WDR76: variants seen among roughly 807,000 people sequenced by gnomAD.
The protein encoded by WDR76 is WD repeat domain 76.
Under a neutral mutation model 70.2 loss-of-function variants are expected in WDR76, and 52 were observed. The observed-to-expected ratio is 0.74, with a 90% CI of 0.59 to 0.93. The LOEUF (loss-of-function observed/expected upper bound fraction) is 0.93, where lower values mean the gene tolerates loss of function less well. Ranked by LOEUF, WDR76 falls within the 40% of genes least tolerant of loss-of-function variation. The pLI is 0.00. For synonymous variants in WDR76, 292 were observed against 271.1 expected (o/e 1.08, Z -0.76); for missense variants, 756 against 760.2 (o/e 0.99, Z 0.07).
chr15:43,837,042 C>CAA (rs541159343), intron 4 of WDR76, among the ~76,000 whole-genome samples: 34 of 58,212 alleles, frequency 5.8e-4, no homozygotes, highest in African/African-American at 1.3e-3. Flanking sequence ...CTCCATCTCA[C>CAA]AAAAAAAAAA....
At chr15:43,848,515 A>G (rs2087816272) in intron 8 of WDR76, among the ~76,000 whole-genome samples, 1 of 152,268 alleles carries the variant, frequency 6.6e-6, no homozygotes, top group South Asian at 2.1e-4. Context: ...GCTGGGGTGA[A>G]ATCAGGAAAA....
intron 6 of WDR76, 43 bp from the exon 7 acceptor site, chr15:43,842,585 T>C (rs752262726): frequency 1.3e-6 from 2 of 1,596,292 alleles, no homozygotes; most frequent in East Asian, 2.2e-5. Flanking sequence ...TGTAAAAATA[T>C]ATACATACTA....
chr15:43,857,476 A>G, intron 10 of WDR76: 1 of 985,390 alleles, frequency 1.0e-6, no homozygotes, highest in Non-Finnish European at 1.2e-6. Flanking sequence ...TGTGACCTAT[A>G]ACTTGTTGGC....
At position 43,866,622 on chromosome 15, in the gene WDR76, C is replaced by CTTTT. The variant is rs5812253; in HGVS notation, c.*248_*251dup. 6.4e-5 allele frequency: 8 copies of CTTTT among 124,680 alleles called. No homozygotes were observed. The highest frequency in any genetic ancestry group is 2.0e-4 in the South Asian group (2 of 9,984). The allele number at this position is 124,680 out of a possible 1,614,324, so 7.7% of individuals were successfully genotyped here. Reference sequence around the variant, plus strand: ...AGGGGAGGCTGAGGTGCCGTCAGGACTTTTTTTTTTTTTTTTTTTTTGAGA... The same window carrying CTTTT: ...AGGGGAGGCTGAGGTGCCGTCAGGACTTTTTTTTTTTTTTTTTTTTTTTTTGAGA... On this transcript the variant is annotated 3_prime_UTR_variant, in exon 13 of 13. Transcript: ENST00000263795.
At chr15:43,855,185 C>T (rs887230146) in intron 9 of WDR76, among the ~76,000 whole-genome samples, 2 of 152,130 alleles carry the variant, frequency 1.3e-5, no homozygotes, top group Non-Finnish European at 2.9e-5. Context: ...TGCATATATT[C>T]GTAATTTGTT....
At position 43,842,768 on chromosome 15, in the gene WDR76, A is replaced by G. The variant is rs16976783; in HGVS notation, c.878+97A>G. 1,010 of 1,133,974 alleles carry G rather than the reference A, an allele frequency of 8.9e-4. 9 individuals carry two copies. In the African/African-American group the frequency reaches 0.014, roughly 16 times the overall value. 70.2% of individuals were successfully genotyped at this position (1,133,974 alleles called of 1,614,324 possible). On this transcript the variant is annotated intron_variant, in intron 7 of 12. Transcript: ENST00000263795. ...TAGGGAATTTTGAAAGTGAGATGAA[A>G]TGTTTCCACCCTAACAACTGTTGTT...
At chr15:43,841,146 G>C (rs1227844526) in intron 5 of WDR76, among the ~76,000 whole-genome samples, 1 of 150,372 alleles carries the variant, frequency 6.7e-6, no homozygotes, top group African/African-American at 2.4e-5. Flanking sequence ...TGAGCCTCCA[G>C]AGTAGCTGGG....
At chr15:43,846,849 C>A (rs929011717) in intron 8 of WDR76, among the ~76,000 whole-genome samples, 3 of 151,764 alleles carry the variant, frequency 2.0e-5, no homozygotes, top group Non-Finnish European at 2.9e-5. Context: ...ATGATGAAAT[C>A]CCATCTCTAC....
In WDR76 at chr15:43,851,265, C is replaced by T. The variant is rs369137550; in HGVS notation, c.1191+20C>T. The T allele has an allele frequency of 6.2e-7, 1 of 1,610,390 alleles. No homozygotes were observed. The highest frequency in any genetic ancestry group is 8.5e-7 in the Non-Finnish European group (1 of 1,177,750). ...GAAGAGGTAAATGTTAATGTGTTTA[C>T]ATGCTGACTTCAGATGATATTCTAG... On this transcript the variant is annotated intron_variant, in intron 9 of 12. Coordinates refer to ENST00000263795, the MANE Select transcript of WDR76 (RefSeq NM_024908.4).
chr15:43,844,384 G>A (rs1475462478), intron 8 of WDR76, among the ~76,000 whole-genome samples: 1 of 152,234 alleles, frequency 6.6e-6, no homozygotes, highest in East Asian at 1.9e-4. Flanking sequence ...TTGAGAGGCT[G>A]AGGCGGTCGG....
At chr15:43,836,423 G>A (rs1298799633) in intron 4 of WDR76, among the ~76,000 whole-genome samples, 2 of 152,142 alleles carry the variant, frequency 1.3e-5, no homozygotes, top group Non-Finnish European at 2.9e-5. Flanking sequence ...ATAAAATGGA[G>A]AGCTGAATTT....
chr15:43,828,331 GA>G lies in WDR76; in HGVS notation c.428del (p.Asp143ValfsTer25). The G allele has an allele frequency of 6.2e-7, 1 of 1,613,756 alleles. No individual in the cohort carries two copies. The highest frequency in any genetic ancestry group is 8.5e-7 in the Non-Finnish European group (1 of 1,179,974). ...NLSVDVESSQ[D>X]GDSDEDTTPS... Reference sequence around the variant, plus strand: ...CAGTGTTGATGTGGAAAGTAGTCAGGATGGAGACAGTGATGAAGATACCACA... The same window carrying G: ...CAGTGTTGATGTGGAAAGTAGTCAGGTGGAGACAGTGATGAAGATACCACA... On this transcript the variant is annotated frameshift_variant, in exon 2 of 13. Coordinates refer to ENST00000263795, the MANE Select transcript of WDR76 (RefSeq NM_024908.4). LOFTEE classifies it high-confidence loss of function.
chr15:43,842,431 G>A lies in WDR76; in HGVS notation c.749G>A (p.Gly250Glu), dbSNP rs772071154. 8 of 1,613,630 alleles carry A rather than the reference G, an allele frequency of 5.0e-6. No individual in the cohort carries two copies. The highest frequency in any genetic ancestry group is 2.5e-6 in the Non-Finnish European group (3 of 1,179,934). ...TTATAACAGCCTTTGTTACCTCCTG[G>A]GCCTTTAGAAATGACTTCTGAAAAT... is the stretch of plus-strand genomic sequence containing the variant. ...VADETPLLPP[G>E]PLEMTSENQE... The change falls in exon 6 of 13, where the codon GGG becomes GAG. Residue 250 changes from glycine (G) to glutamate (E), a missense_variant. Transcript: ENST00000263795.
In WDR76 at chr15:43,867,072, C is replaced by T. The variant is rs2088082693; in HGVS notation, c.*680C>T. 1.3e-5 allele frequency: 2 copies of T among 152,108 alleles called. No individual in the cohort carries two copies. Among genetic ancestry groups the T allele is most frequent in the South Asian group, 4.1e-4 (2 of 4,822 alleles). The allele number at this position is 152,108 out of a possible 1,614,324, so 9.4% of individuals were successfully genotyped here. On this transcript the variant is annotated 3_prime_UTR_variant, in exon 13 of 13. Transcript: ENST00000263795. ...CTTATTTTATAGTTTATAATGAATA[C>T]TTATTTCTAGACTCATACACTGGAA...
intron 9 of WDR76, among the ~76,000 whole-genome samples, chr15:43,855,464 G>A (rs2087916298): frequency 2.0e-5 from 3 of 152,060 alleles, no homozygotes; most frequent in South Asian, 2.1e-4. Context: ...GTATATATTG[G>A]TCTTTTTGTG....
At chr15:43,851,050 T>G (rs1334674495) in intron 8 of WDR76, 37 bp from the exon 9 acceptor site, 1 of 1,606,808 alleles carries the variant, frequency 6.2e-7, no homozygotes, top group African/African-American at 1.3e-5. Context: ...TTTCACTAGT[T>G]TTTTTCTCTC....
At chr15:43,845,796 C>T (rs1235755734) in intron 8 of WDR76, among the ~76,000 whole-genome samples, 1 of 150,258 alleles carries the variant, frequency 6.7e-6, no homozygotes, top group Non-Finnish European at 1.5e-5. Context: ...TTAATGTTCT[C>T]TGAATTTATT....
In WDR76 at chr15:43,844,051, T is replaced by C; in HGVS notation, c.1029T>C (p.Asp343=). ...GAKFGQVGLC[D]LTQQPKEDGV... Reference sequence around the variant, plus strand: ...AATTTGGGCAAGTTGGACTTTGTGATTTGGTAAGTTATTAAATTTCTTGAA... The same window carrying C: ...AATTTGGGCAAGTTGGACTTTGTGACTTGGTAAGTTATTAAATTTCTTGAA... Residue 343 remains aspartate, a synonymous_variant, in exon 8 of 13, where the codon GAT becomes GAC. Coordinates refer to ENST00000263795, the MANE Select transcript of WDR76 (RefSeq NM_024908.4). 2 of 1,610,820 alleles carry C rather than the reference T, an allele frequency of 1.2e-6. No homozygotes were observed. Among genetic ancestry groups the C allele is most frequent in the Non-Finnish European group, 1.7e-6 (2 of 1,179,114 alleles).
At chr15:43,834,727 G>C (rs1367397837) in intron 2 of WDR76, among the ~76,000 whole-genome samples, 1 of 152,064 alleles carries the variant, frequency 6.6e-6, no homozygotes, top group South Asian at 2.1e-4. Flanking sequence ...GATTACAGGC[G>C]TGAGCCACTG....
Sources: gnomAD v4.1 joint callset for allele counts (sites outside exome capture counted in the v4.1 genomes callset) on GRCh38, gnomAD v4.1.1 for gene constraint, MANE v1.5 for transcripts, NCBI Gene and HGNC (gene_info 2026-07-23, HGNC 2026-07-21) for gene names.